Variants in IRF2 observed in about 807,000 individuals in gnomAD.
IRF2 encodes the protein interferon regulatory factor 2.
Under a neutral mutation model 40.6 loss-of-function variants are expected in IRF2, and 15 were observed. The observed-to-expected ratio is 0.37, with a 90% CI of 0.25 to 0.57. The LOEUF (loss-of-function observed/expected upper bound fraction) is 0.57. Among genes scored for constraint, IRF2 ranks in the 20% least tolerant of loss-of-function variants. The probability of loss-of-function intolerance (pLI) is 0.77; values close to 1 mark genes in which losing one functional copy is unlikely to be tolerated. For missense variants in IRF2, 317 were observed against 455.7 expected (o/e 0.70, Z 2.77); for synonymous variants, 151 against 165.5 (o/e 0.91, Z 0.67).
chr4:184,445,654 CA>C lies in IRF2; in HGVS notation c.-6-16585del, dbSNP rs386683242. Among the ~76,000 whole-genome samples the C allele has an allele frequency of 2.4e-3, 287 of 120,808 alleles. 1 individual carries two copies. Among genetic ancestry groups the C allele is most frequent in the African/African-American group, 6.2e-3 (169 of 27,180 alleles). 79.3% of individuals were successfully genotyped at this position (120,808 alleles called of 152,430 possible). ...TGGGCGACAGAGTGAGACTCCATCA[CA>C]AAAAAAAAAAAAAGAAGAAGAAGAA... On this transcript the variant is annotated intron_variant, in intron 1 of 8. Transcript: ENST00000393593.
intron 1 of IRF2, among the ~76,000 whole-genome samples, chr4:184,460,914 T>C (rs1319238625): frequency 2.0e-5 from 3 of 152,170 alleles, no homozygotes; most frequent in African/African-American, 4.8e-5. Flanking sequence ...ATACACTCTA[T>C]TAGGCTGTTA....
intron 1 of IRF2, among the ~76,000 whole-genome samples, chr4:184,456,584 C>G (rs1204177723): frequency 6.6e-6 from 1 of 152,256 alleles, no homozygotes; most frequent in Non-Finnish European, 1.5e-5. Context: ...GGAAACCCCT[C>G]GGTCCAGCCA....
At chr4:184,389,117 G>A in intron 8 of IRF2, 51 bp from the exon 9 acceptor site, 1 of 1,577,028 alleles carries the variant, frequency 6.3e-7, no homozygotes. Context: ...CTATTGGATG[G>A]CTTTTTAAAA....
At chr4:184,462,344 G>A (rs1324305854) in intron 1 of IRF2, among the ~76,000 whole-genome samples, 1 of 152,200 alleles carries the variant, frequency 6.6e-6, no homozygotes, top group South Asian at 2.1e-4. Flanking sequence ...TAATCTTGCA[G>A]AGAAAAGCTA....
At chr4:184,404,633 CAGAAGCAGGTCT>C (rs1026602540) in intron 6 of IRF2, among the ~76,000 whole-genome samples, 1 of 152,126 alleles carries the variant, frequency 6.6e-6, no homozygotes, top group Non-Finnish European at 1.5e-5. Flanking sequence ...TAAAAAACTT[CAGAAGCAGGTCT>C]AGAACCCACG....
chr4:184,445,056 C>T (rs1001415801), intron 1 of IRF2, among the ~76,000 whole-genome samples: 2 of 152,240 alleles, frequency 1.3e-5, no homozygotes, highest in African/African-American at 2.4e-5. Flanking sequence ...CACGTGCTGA[C>T]ACGCTGCTCT....
At chr4:184,409,766 C>T (rs953375727) in intron 5 of IRF2, among the ~76,000 whole-genome samples, 11 of 151,980 alleles carry the variant, frequency 7.2e-5, no homozygotes, top group African/African-American at 2.4e-4. Flanking sequence ...TGGTGGTGCA[C>T]GCCTCTTGTC....
Position 184,418,523 on chromosome 4 carries a change from T to C in IRF2, c.364+9A>G. The C allele has an allele frequency of 6.2e-7, 1 of 1,612,850 alleles. No individual in the cohort carries two copies. The highest frequency in any genetic ancestry group is 2.2e-5 in the East Asian group (1 of 44,886). On this transcript the variant is annotated intron_variant, in intron 4 of 8. Coordinates refer to ENST00000393593, the MANE Select transcript of IRF2 (RefSeq NM_002199.4). The stretch of plus-strand genomic sequence containing the variant: ...GATTTACCTTATTTTAGTCTGTAAA[T>C]GCCTTTACCTTTCTTAGAAGGCCGT...
chr4:184,469,565 C>T (rs1739447638), intron 1 of IRF2, among the ~76,000 whole-genome samples: 1 of 152,186 alleles, frequency 6.6e-6, no homozygotes. Context: ...GTCCCAGCTA[C>T]TCAGGAGACT....
chr4:184,416,745 C>G (rs1251488185), intron 5 of IRF2, among the ~76,000 whole-genome samples: 1 of 152,026 alleles, frequency 6.6e-6, no homozygotes, highest in East Asian at 1.9e-4. Context: ...AAAAGCTGAA[C>G]TATAAAAAAT....
At chr4:184,402,107 G>C (rs1736687704) in intron 6 of IRF2, among the ~76,000 whole-genome samples, 1 of 152,216 alleles carries the variant, frequency 6.6e-6, no homozygotes, top group African/African-American at 2.4e-5. Flanking sequence ...GATCCGGTTT[G>C]TAAGAAGTTC....
chr4:184,392,248 C>T (rs1399278166), intron 7 of IRF2, among the ~76,000 whole-genome samples: 1 of 152,216 alleles, frequency 6.6e-6, no homozygotes, highest in Non-Finnish European at 1.5e-5. Context: ...AGAGTAACTG[C>T]AATAGCTTCT....
At chr4:184,398,174 G>T (rs1470667288) in intron 7 of IRF2, among the ~76,000 whole-genome samples, 1 of 152,180 alleles carries the variant, frequency 6.6e-6, no homozygotes, top group African/African-American at 2.4e-5. Context: ...CTGACTGTAC[G>T]ACCCTGCGCA....
At chr4:184,456,078 C>T (rs1738913700) in intron 1 of IRF2, among the ~76,000 whole-genome samples, 2 of 152,176 alleles carry the variant, frequency 1.3e-5, no homozygotes, top group African/African-American at 2.4e-5. Context: ...GGAGTGGGTG[C>T]CTGCCCTGCG....
At chr4:184,463,149 A>G (rs1054268882) in intron 1 of IRF2, among the ~76,000 whole-genome samples, 1 of 152,270 alleles carries the variant, frequency 6.6e-6, no homozygotes, top group Non-Finnish European at 1.5e-5. Context: ...CTTCTATAGA[A>G]ATTCAGAGCA....
chr4:184,457,043 C>A (rs1054740032), intron 1 of IRF2, among the ~76,000 whole-genome samples: 6 of 152,220 alleles, frequency 3.9e-5, no homozygotes, highest in African/African-American at 1.2e-4. Context: ...TCTGTAGCTG[C>A]GTCGGATGAA....
intron 2 of IRF2, among the ~76,000 whole-genome samples, chr4:184,421,937 A>G (rs1473800999): frequency 6.6e-6 from 1 of 152,158 alleles, no homozygotes. Context: ...GGTCTGGTGG[A>G]CGGTGTTTGG....
chr4:184,413,242 C>T lies in IRF2; in HGVS notation c.411+4925G>A, dbSNP rs1191231095. The stretch of plus-strand genomic sequence containing the variant: ...AAGGCCTCCCTTACATATCAATTCC[C>T]GCCTGCTCTAAGTGTGCTACAAGGA... On this transcript the variant is annotated intron_variant, in intron 5 of 8. Transcript: ENST00000393593. This position sits in a 1 kb window ranked among gnomAD's most constrained non-coding sequence, Gnocchi z 4.2. Among the ~76,000 whole-genome samples the T allele has an allele frequency of 3.9e-5, 6 of 152,178 alleles. No homozygotes were observed. The highest frequency in any genetic ancestry group is 4.1e-4 in the South Asian group (2 of 4,828).
chr4:184,448,015 C>G lies in IRF2; in HGVS notation c.-6-18945G>C, dbSNP rs944038375. On this transcript the variant is annotated intron_variant, in intron 1 of 8. Coordinates refer to ENST00000393593, the MANE Select transcript of IRF2 (RefSeq NM_002199.4). The surrounding 1 kb of genome is among the most constrained non-coding windows in gnomAD (Gnocchi z 4.3). ...GTCTCAATGGAGACTATCTTCGTTA[C>G]AGCAAAGACACATTCAAGTACTCAG... is the stretch of plus-strand genomic sequence containing the variant. Among the ~76,000 whole-genome samples, 19 of 152,338 alleles carry G rather than the reference C, an allele frequency of 1.2e-4. No individual in the cohort carries two copies. Among genetic ancestry groups the G allele is most frequent in the African/African-American group, 4.6e-4 (19 of 41,578 alleles).
Sources: allele counts gnomAD v4.1 joint callset (sites outside exome capture counted in the v4.1 genomes callset), GRCh38; gene constraint gnomAD v4.1.1; non-coding constraint Gnocchi (gnomAD v3.1); transcripts MANE v1.5; gene names NCBI Gene and HGNC (gene_info 2026-07-23, HGNC 2026-07-21).